Variants in FYB1 observed in about 807,000 individuals in gnomAD.
FYB1 encodes FYN-binding protein 1.
In FYB1, 41 loss-of-function variants were observed where a neutral mutation model predicts 94.1. The ratio of observed to expected loss-of-function variants is 0.44; its 90% CI spans 0.34 to 0.57. The LOEUF (loss-of-function observed/expected upper bound fraction) is 0.57. Ranked by LOEUF, FYB1 falls within the 20% of genes least tolerant of loss-of-function variation. The pLI is 0.02. For synonymous variants in FYB1, 367 were observed against 353.2 expected (o/e 1.04, Z -0.44); for missense variants, 1,050 against 976.8 (o/e 1.07, Z -1.00).
chr5:39,107,767 A>C (rs1421439892), intron 18 of FYB1, among the ~76,000 whole-genome samples: 1 of 152,030 alleles, frequency 6.6e-6, no homozygotes, highest in East Asian at 1.9e-4. Context: ...TGAAGATATT[A>C]AAGAGCAAGA....
intron 2 of FYB1, among the ~76,000 whole-genome samples, chr5:39,168,332 A>G (rs895559829): frequency 2.0e-5 from 3 of 152,188 alleles, no homozygotes; most frequent in Non-Finnish European, 4.4e-5. Context: ...TCATCATGAC[A>G]ATGTTTGGCC....
intron 2 of FYB1, among the ~76,000 whole-genome samples, chr5:39,154,683 T>G (rs1466827481): frequency 6.6e-6 from 1 of 152,068 alleles, no homozygotes; most frequent in Non-Finnish European, 1.5e-5. Flanking sequence ...ATTTTTATAT[T>G]TTTATTGGAG....
intron 11 of FYB1, 103 bp from the exon 12 acceptor site, chr5:39,126,238 A>T: frequency 1.6e-6 from 2 of 1,239,736 alleles, no homozygotes; most frequent in East Asian, 2.5e-5. Flanking sequence ...TTACGGCCAC[A>T]TTAATCATTC....
At chr5:39,170,286 GT>G in intron 2 of FYB1, 1 of 1,376,368 alleles carries the variant, frequency 7.3e-7, no homozygotes, top group Non-Finnish European at 9.9e-7. Flanking sequence ...GATCAACTCA[GT>G]TTAAAAGATC....
intron 2 of FYB1, among the ~76,000 whole-genome samples, chr5:39,200,057 G>T (rs760487184): frequency 2.0e-5 from 3 of 152,172 alleles, no homozygotes; most frequent in African/African-American, 4.8e-5. Flanking sequence ...CAAGGCATCA[G>T]ATGTTGAGGG....
At chr5:39,155,339 A>C (rs1743651283) in intron 2 of FYB1, among the ~76,000 whole-genome samples, 1 of 152,024 alleles carries the variant, frequency 6.6e-6, no homozygotes, top group Non-Finnish European at 1.5e-5. Context: ...TGCACTGCAG[A>C]CTCGAGACCC....
intron 2 of FYB1, 30 bp downstream of exon 2, chr5:39,201,796 T>C (rs1428854711): frequency 3.2e-6 from 5 of 1,582,458 alleles, no homozygotes; most frequent in Non-Finnish European, 4.3e-6. Flanking sequence ...GAGTAAACCA[T>C]ACTGAATAGC....
intron 11 of FYB1, among the ~76,000 whole-genome samples, chr5:39,126,695 CA>C (rs1272438775): frequency 9.7e-3 from 281 of 29,022 alleles, no homozygotes; most frequent in South Asian, 0.017. Context: ...GACCTGGTCT[CA>C]AAAAAAAAAA....
At chr5:39,208,568 A>G (rs1288593604) in intron 1 of FYB1, among the ~76,000 whole-genome samples, 1 of 152,142 alleles carries the variant, frequency 6.6e-6, no homozygotes, top group Non-Finnish European at 1.5e-5. Context: ...TGCCACTGCC[A>G]TCATTACCCA....
intron 1 of FYB1, among the ~76,000 whole-genome samples, chr5:39,246,618 CTGAGAGT>C (rs1398840358): frequency 1.3e-5 from 2 of 152,026 alleles, no homozygotes; most frequent in East Asian, 3.9e-4. Context: ...GGTAATAGTT[CTGAGAGT>C]TGAAAGTGAC....
At chr5:39,230,062 C>T (rs1293844776) in intron 1 of FYB1, among the ~76,000 whole-genome samples, 2 of 152,148 alleles carry the variant, frequency 1.3e-5, no homozygotes, top group Non-Finnish European at 2.9e-5. Flanking sequence ...GTGAGGTAGG[C>T]AAAATAACGT....
intron 6 of FYB1, 32 bp downstream of exon 6, chr5:39,138,625 A>G (rs1348424512): frequency 3.6e-6 from 5 of 1,397,768 alleles, no homozygotes; most frequent in Non-Finnish European, 5.0e-6. Context: ...ATCTTTGAAG[A>G]AAACTGTCAT....
intron 10 of FYB1, among the ~76,000 whole-genome samples, 184 bp from the exon 11 acceptor site, chr5:39,127,991 A>G (rs553596729): frequency 2.0e-4 from 30 of 152,322 alleles, no homozygotes; most frequent in African/African-American, 7.2e-4. Context: ...TGAAATTACA[A>G]TAACAAAATG....
chr5:39,138,565 C>A, intron 6 of FYB1, 92 bp downstream of exon 6: 1 of 676,940 alleles, frequency 1.5e-6, no homozygotes, highest in East Asian at 2.8e-5. Flanking sequence ...TCAAGCTTCC[C>A]TCCTAGTGTT....
intron 2 of FYB1, among the ~76,000 whole-genome samples, chr5:39,198,179 G>C (rs889200648): frequency 2.0e-5 from 3 of 152,122 alleles, no homozygotes; most frequent in African/African-American, 4.8e-5. Flanking sequence ...GAAGTAGGTG[G>C]TATTATACTC....
chr5:39,234,517 T>A (rs1750874687), intron 1 of FYB1, among the ~76,000 whole-genome samples: 1 of 152,180 alleles, frequency 6.6e-6, no homozygotes. Context: ...AGAAATACCA[T>A]TTGACCCAGC....
chr5:39,218,673 G>A (rs929015059), intron 1 of FYB1, among the ~76,000 whole-genome samples: 10 of 152,320 alleles, frequency 6.6e-5, no homozygotes, highest in Non-Finnish European at 7.4e-5. Context: ...GAGAGGTTAA[G>A]TGGCTCTCCC....
chr5:39,254,790 G>T (rs1751863092), intron 1 of FYB1, among the ~76,000 whole-genome samples: 1 of 152,170 alleles, frequency 6.6e-6, no homozygotes, highest in East Asian at 1.9e-4. Flanking sequence ...CAAGAGAAAT[G>T]CTGAAGACAG....
intron 3 of FYB1, among the ~76,000 whole-genome samples, chr5:39,152,584 G>T (rs953617685): frequency 2.2e-4 from 33 of 152,118 alleles, no homozygotes; most frequent in African/African-American, 7.5e-4. Context: ...TTGTCTTAAG[G>T]ATTTATGCTT....
Sources: gnomAD v4.1 joint callset for allele counts (sites outside exome capture counted in the v4.1 genomes callset) on GRCh38, gnomAD v4.1.1 for gene constraint, MANE v1.5 for transcripts, NCBI Gene and HGNC (gene_info 2026-07-23, HGNC 2026-07-21) for gene names.